Variants in ITSN1 observed in about 807,000 individuals in gnomAD.
ITSN1 encodes the protein intersectin-1.
Under a neutral mutation model 239.8 loss-of-function variants are expected in ITSN1, and 58 were observed. The ratio of observed to expected loss-of-function variants is 0.24; its 90% confidence interval spans 0.20 to 0.30. The LOEUF (loss-of-function observed/expected upper bound fraction) is 0.30, where lower values mean the gene tolerates loss of function less well. Ranked by LOEUF, ITSN1 falls within the 10% of genes least tolerant of loss-of-function variation. ITSN1 has a pLI of 1.00. For missense variants in ITSN1, 1,558 were observed against 2,103.3 expected (o/e 0.74, Z 5.07); for synonymous variants, 780 against 770.8 (o/e 1.01, Z -0.20).
rs1339018036 is a variant in ITSN1, at chr21:33,891,929, G to A, written c.*3629G>A. On this transcript the variant is annotated 3_prime_UTR_variant, in exon 40 of 40. Coordinates refer to ENST00000381318, the MANE Select transcript of ITSN1 (RefSeq NM_003024.3). ...GTAACAACTTTAAGAATTTCCATTGGAAACAAAGTATGATTTGATTTGATT... is the reference window on the plus strand; with the variant it reads ...GTAACAACTTTAAGAATTTCCATTGAAAACAAAGTATGATTTGATTTGATT... 1 of 152,164 alleles carries A rather than the reference G, an allele frequency of 6.6e-6. No homozygotes were observed. The highest frequency in any genetic ancestry group is 1.5e-5 in the Non-Finnish European group (1 of 68,040). The allele number at this position is 152,164 out of a possible 1,614,324, so 9.4% of individuals were successfully genotyped here.
At chr21:33,832,565 TGAG>T (rs1303853412) in intron 27 of ITSN1, among the ~76,000 whole-genome samples, 1 of 152,102 alleles carries the variant, frequency 6.6e-6, no homozygotes, top group Non-Finnish European at 1.5e-5. Flanking sequence ...GATCCACAAA[TGAG>T]GAAACACCAG....
rs1035679671 is a variant in ITSN1, at chr21:33,897,179, A to G, written c.*8879A>G. The G allele has an allele frequency of 1.3e-5, 2 of 152,266 alleles. No homozygotes were observed. The highest frequency in any genetic ancestry group is 2.1e-4 in the South Asian group (1 of 4,834). The allele number at this position is 152,266 out of a possible 1,614,324, so 9.4% of individuals were successfully genotyped here. ...ATGTTAATGCTACTTAATTTTAGAC[A>G]TGCATTTAAAGCCTACATGGCCAAT... On this transcript the variant is annotated 3_prime_UTR_variant, in exon 40 of 40. Coordinates refer to ENST00000381318, the MANE Select transcript of ITSN1 (RefSeq NM_003024.3).
intron 34 of ITSN1, among the ~76,000 whole-genome samples, chr21:33,875,954 A>AC (rs1263044279): frequency 5.9e-5 from 9 of 152,192 alleles, no homozygotes; most frequent in African/African-American, 2.2e-4. Flanking sequence ...TGCTGGGATT[A>AC]CAGGCATGAG....
Position 33,888,402 on chromosome 21 carries a change from T to A in ITSN1, c.*102T>A, listed in dbSNP as rs1986107979. Reference sequence around the variant, plus strand: ...TAAGAAACCACCATTTGGTATTCAGTCACAGGGATATGGGATGGCAAAGAC... The same window carrying A: ...TAAGAAACCACCATTTGGTATTCAGACACAGGGATATGGGATGGCAAAGAC... On this transcript the variant is annotated 3_prime_UTR_variant, in exon 40 of 40. Coordinates refer to ENST00000381318, the MANE Select transcript of ITSN1 (RefSeq NM_003024.3). 1 of 1,255,416 alleles carries A rather than the reference T, an allele frequency of 8.0e-7. No homozygotes were observed. The highest frequency in any genetic ancestry group is 2.4e-5 in the Admixed American group (1 of 41,826). The allele number at this position is 1,255,416 out of a possible 1,614,324, so 77.8% of individuals were successfully genotyped here.
intron 33 of ITSN1, 48 bp from the exon 34 acceptor site, chr21:33,875,306 C>T (rs770023728): frequency 4.1e-5 from 66 of 1,604,998 alleles, no homozygotes; most frequent in Non-Finnish European, 5.3e-5. Flanking sequence ...ATCACAGGCC[C>T]GCCCACATTG....
chr21:33,692,041 A>C (rs1401246944), intron 1 of ITSN1, among the ~76,000 whole-genome samples: 1 of 152,196 alleles, frequency 6.6e-6, no homozygotes, highest in Non-Finnish European at 1.5e-5. Flanking sequence ...AGGTGATCAG[A>C]TATCTCAGAT....
In ITSN1 at chr21:33,767,685, C is replaced by T. The variant is rs538862072; in HGVS notation, c.927-28C>T. On this transcript the variant is annotated intron_variant, in intron 10 of 39. Coordinates refer to ENST00000381318, the MANE Select transcript of ITSN1 (RefSeq NM_003024.3). ...TCCACCCAGACAGCTCTGTGTGAAT[C>T]TATTTTTCTTTTTCCCCGCAATTGC... 1.4e-4 allele frequency: 183 copies of T among 1,327,190 alleles called. 5 individuals are homozygous for T. In the South Asian group the frequency reaches 2.2e-3, roughly 16 times the overall value. The allele number at this position is 1,327,190 out of a possible 1,614,324, so 82.2% of individuals were successfully genotyped here. A position where few individuals can be genotyped will look rare whatever the true frequency, so the allele number is the denominator to read the frequency against.
intron 20 of ITSN1, among the ~76,000 whole-genome samples, chr21:33,807,110 T>C (rs577255201): frequency 1.1e-4 from 16 of 152,300 alleles, no homozygotes; most frequent in Non-Finnish European, 2.1e-4. Context: ...TTGAGACTAT[T>C]GTTTGGGGGG....
At chr21:33,723,866 G>A (rs1474038014) in intron 4 of ITSN1, among the ~76,000 whole-genome samples, 1 of 152,136 alleles carries the variant, frequency 6.6e-6, no homozygotes, top group Non-Finnish European at 1.5e-5. Flanking sequence ...TCCAGGGGCT[G>A]GGTATTCTAC....
At chr21:33,708,775 T>A (rs1473778650) in intron 1 of ITSN1, among the ~76,000 whole-genome samples, 2 of 152,224 alleles carry the variant, frequency 1.3e-5, no homozygotes, top group Non-Finnish European at 2.9e-5. Context: ...CTTTTAAGAT[T>A]TTTATATGAA....
chr21:33,836,385 C>T, intron 28 of ITSN1, 56 bp from the exon 29 acceptor site: 1 of 1,339,906 alleles, frequency 7.5e-7, no homozygotes, highest in South Asian at 1.5e-5. Context: ...TGCGCGGTAC[C>T]CGTTGTGCAT....
intron 34 of ITSN1, among the ~76,000 whole-genome samples, chr21:33,878,022 G>A (rs1160486788): frequency 5.4e-5 from 8 of 147,518 alleles, no homozygotes; most frequent in African/African-American, 2.0e-4. Flanking sequence ...GTGTGTGTGT[G>A]TGTGTGTGTG....
chr21:33,878,985 G>A (rs115383501), intron 34 of ITSN1, among the ~76,000 whole-genome samples: 137 of 152,280 alleles, frequency 9.0e-4, no homozygotes, highest in African/African-American at 3.2e-3. Flanking sequence ...TGTGACAGGA[G>A]CAAGGGACAG....
chr21:33,712,275 A>G (rs2092438529), intron 1 of ITSN1, among the ~76,000 whole-genome samples: 1 of 151,802 alleles, frequency 6.6e-6, no homozygotes, highest in Non-Finnish European at 1.5e-5. Context: ...TGTGAGTTTC[A>G]TGTTGTATAG....
chr21:33,671,102 C>T (rs1204801913), intron 1 of ITSN1, among the ~76,000 whole-genome samples: 2 of 152,140 alleles, frequency 1.3e-5, no homozygotes, highest in Non-Finnish European at 2.9e-5. Context: ...ATTCAAAAGT[C>T]GTATGGGACA....
chr21:33,750,804 A>C (rs1437073307), intron 6 of ITSN1, among the ~76,000 whole-genome samples: 2 of 152,230 alleles, frequency 1.3e-5, no homozygotes, highest in Non-Finnish European at 2.9e-5. Flanking sequence ...AATTGAAGGA[A>C]AGGATTTAAA....
At position 33,797,733 on chromosome 21, in the gene ITSN1, A is replaced by G; in HGVS notation, c.2182+125A>G. On this transcript the variant is annotated intron_variant, in intron 18 of 39. Transcript: ENST00000381318. The surrounding 1 kb of genome is among the most constrained non-coding windows in gnomAD (Gnocchi z 4.9). ...TAACAGATGAGAACGTCAGTCTCTT[A>G]TTTTGAGCATGGCCAGCTCTTCTTT... 1 of 699,672 alleles carries G rather than the reference A, an allele frequency of 1.4e-6. No individual in the cohort carries two copies. Among genetic ancestry groups the G allele is most frequent in the East Asian group, 2.7e-5 (1 of 36,906 alleles). The allele number at this position is 699,672 out of a possible 1,614,324, so 43.3% of individuals were successfully genotyped here. A position where few individuals can be genotyped will look rare whatever the true frequency, so the allele number is the denominator to read the frequency against.
At chr21:33,837,960 G>T (rs2074685111) in intron 29 of ITSN1, 1 of 985,746 alleles carries the variant, frequency 1.0e-6, no homozygotes, top group African/African-American at 1.7e-5. Flanking sequence ...TACTTTTCAT[G>T]GAATGACCTA....
intron 12 of ITSN1, among the ~76,000 whole-genome samples, chr21:33,773,668 C>T (rs1052263142): frequency 2.0e-5 from 3 of 151,934 alleles, no homozygotes; most frequent in Non-Finnish European, 4.4e-5. Context: ...AGAAACAAAA[C>T]TTATAGCCAT....
Sources: gnomAD v4.1 joint callset for allele counts (sites outside exome capture counted in the v4.1 genomes callset) on GRCh38, gnomAD v4.1.1 for gene constraint, Gnocchi (gnomAD v3.1) non-coding constraint, MANE v1.5 for transcripts, NCBI Gene and HGNC (gene_info 2026-07-23, HGNC 2026-07-21) for gene names.